DLL1: variants seen among roughly 807,000 people sequenced by gnomAD.
DLL1 encodes delta like canonical Notch ligand 1.
Under a neutral mutation model 75.1 loss-of-function variants are expected in DLL1, and 9 were observed. The observed-to-expected ratio is 0.12, with a 90% CI of 0.07 to 0.21. The LOEUF (loss-of-function observed/expected upper bound fraction) is 0.21, where lower values mean the gene tolerates loss of function less well. Among genes scored for constraint, DLL1 ranks in the 10% least tolerant of loss-of-function variants. The pLI, the probability that DLL1 is intolerant of heterozygous loss-of-function variation, is 1.00. For synonymous variants in DLL1, 477 were observed against 418.3 expected (o/e 1.14, Z -1.71); for missense variants, 837 against 1,007.6 (o/e 0.83, Z 2.29).
At chr6:170,284,160 T>G in intron 8 of DLL1, 131 bp from the exon 9 acceptor site, 6 of 1,182,638 alleles carry the variant, frequency 5.1e-6, no homozygotes, top group Non-Finnish European at 7.2e-6. Flanking sequence ...CCTGAATGAG[T>G]CCACAGCGCA....
Position 170,290,030 on chromosome 6 carries a change from G to A in DLL1, c.54+56C>T. On this transcript the variant is annotated intron_variant, in intron 1 of 10. Coordinates refer to ENST00000366756, the MANE Select transcript of DLL1 (RefSeq NM_005618.4). The surrounding 1 kb of genome is among the most constrained non-coding windows in gnomAD (Gnocchi z 4.7). ...CCCTCCCCGCGCGCTCCTGCCCCGCGCCCCGGCTACCCGTGAGACCCCGCG... is the reference window on the plus strand; with the variant it reads ...CCCTCCCCGCGCGCTCCTGCCCCGCACCCCGGCTACCCGTGAGACCCCGCG... 6.6e-7 allele frequency: 1 copy of A among 1,520,602 alleles called. No individual in the cohort carries two copies. The highest frequency in any genetic ancestry group is 8.7e-7 in the Non-Finnish European group (1 of 1,142,974). 94.2% of individuals were successfully genotyped at this position (1,520,602 alleles called of 1,614,324 possible).
Position 170,289,518 on chromosome 6 carries a change from G to C in DLL1, c.345C>G (p.Thr115=), listed in dbSNP as rs1337227332. The C allele has an allele frequency of 6.5e-7, 1 of 1,534,590 alleles. No homozygotes were observed. The highest frequency in any genetic ancestry group is 2.0e-5 in the Admixed American group (1 of 50,974). The change falls in exon 2 of 11, where the codon ACC becomes ACG. Residue 115 remains threonine, a synonymous_variant. Coordinates refer to ENST00000366756, the MANE Select transcript of DLL1 (RefSeq NM_005618.4). ...GCGCAGGTGCGGCACTCACCGGCCA[G>C]GTGAAGCCGAAGGGGAAGCGGATGG... is the stretch of plus-strand genomic sequence containing the variant. ...SNPIRFPFGF[T]WPGTFSLIIE... is the part of the protein sequence containing the mutation.
chr6:170,283,382 T>C lies in DLL1; in HGVS notation c.1897A>G (p.Lys633Glu). The change falls in exon 9 of 11, where the codon AAG becomes GAG. Residue 633 changes from lysine (K) to glutamate (E), a missense_variant. By Grantham distance (56) the Lys-to-Glu change is moderately conservative. Around this residue, in one of 2 missense-constraint regions of DLL1, gnomAD observed 533 missense variants for 545.7 expected, o/e 0.98. Coordinates refer to ENST00000366756, the MANE Select transcript of DLL1 (RefSeq NM_005618.4). ...GDHSADKNGF[K>E]ARYPAVDYNL... ...TAGTCCACCGCTGGGTAGCGGGCCT[T>C]GAAGCCATTCTTGTCGGCGCTGTGG... 1 of 1,611,742 alleles carries C rather than the reference T, an allele frequency of 6.2e-7. No individual in the cohort carries two copies. Among genetic ancestry groups the C allele is most frequent in the Non-Finnish European group, 8.5e-7 (1 of 1,180,028 alleles).
chr6:170,290,913 TG>T lies in DLL1; in HGVS notation c.-775del, dbSNP rs1325443562. On this transcript the variant is annotated 5_prime_UTR_variant, in exon 1 of 11. Coordinates refer to ENST00000366756, the MANE Select transcript of DLL1 (RefSeq NM_005618.4). The surrounding 1 kb of genome is among the most constrained non-coding windows in gnomAD (Gnocchi z 4.7). ...CTCGGCCGGGTCGGGTCTCCGCGGG[TG>T]CGCGCAGAGGATCTGGCTCTCGCCG... 2.9e-6 allele frequency: 2 copies of T among 695,206 alleles called. No individual in the cohort carries two copies. The highest frequency in any genetic ancestry group is 5.2e-6 in the Non-Finnish European group (2 of 381,362). 43.1% of individuals were successfully genotyped at this position (695,206 alleles called of 1,614,324 possible).
chr6:170,289,011 C>T (rs542460737), intron 2 of DLL1, among the ~76,000 whole-genome samples: 3 of 152,284 alleles, frequency 2.0e-5, no homozygotes, highest in Admixed American at 2.0e-4. Flanking sequence ...CGTGTTTTTT[C>T]AGCCTGTACT....
chr6:170,289,378 CA>C (rs1783793832), intron 2 of DLL1, 133 bp downstream of exon 2: 1 of 1,365,262 alleles, frequency 7.3e-7, no homozygotes, highest in Non-Finnish European at 9.9e-7. Context: ...CGCCGCTAGG[CA>C]GATCGCAGCG....
In DLL1 at chr6:170,288,504, GAGA is replaced by G; in HGVS notation, c.413-11_413-9del. 3 of 1,614,128 alleles carry G rather than the reference GAGA, an allele frequency of 1.9e-6. No homozygotes were observed. Among genetic ancestry groups the G allele is most frequent in the Non-Finnish European group, 2.5e-6 (3 of 1,180,046 alleles). ...TGAGTCTTTCTGGGTTTTCTACGGG[GAGA>G]AGATGCTCCTGGTTGGTTCTGAACG... On this transcript the variant is annotated splice_polypyrimidine_tract_variant and intron_variant, in intron 3 of 10. Coordinates refer to ENST00000366756, the MANE Select transcript of DLL1 (RefSeq NM_005618.4).
chr6:170,290,246 G>A lies in DLL1; in HGVS notation c.-107C>T, dbSNP rs1783827244. Reference sequence around the variant, plus strand: ...CCACGGGGAGCGTGGGCAGAAAAGCGCCCTTGCCTCGCCCCAGACCGCAGG... The same window carrying A: ...CCACGGGGAGCGTGGGCAGAAAAGCACCCTTGCCTCGCCCCAGACCGCAGG... On this transcript the variant is annotated 5_prime_UTR_variant, in exon 1 of 11. Coordinates refer to ENST00000366756, the MANE Select transcript of DLL1 (RefSeq NM_005618.4). This position sits in a 1 kb window ranked among gnomAD's most constrained non-coding sequence, Gnocchi z 4.7. 2.9e-6 allele frequency: 4 copies of A among 1,366,114 alleles called. No individual in the cohort carries two copies. The highest frequency in any genetic ancestry group is 4.0e-6 in the Non-Finnish European group (4 of 1,002,022). The allele number at this position is 1,366,114 out of a possible 1,614,324, so 84.6% of individuals were successfully genotyped here.
chr6:170,282,524 G>T lies in DLL1; in HGVS notation c.*350C>A. On this transcript the variant is annotated 3_prime_UTR_variant, in exon 11 of 11. Transcript: ENST00000366756. Reference sequence around the variant, plus strand: ...AAAGGACAATAAAGGCAGTGTTTGTGTTTCTAATTCAAGAAAAGACTGGCT... The same window carrying T: ...AAAGGACAATAAAGGCAGTGTTTGTTTTTCTAATTCAAGAAAAGACTGGCT... The T allele has an allele frequency of 2.3e-6, 1 of 443,392 alleles. No individual in the cohort carries two copies. The highest frequency in any genetic ancestry group is 3.9e-5 in the Admixed American group (1 of 25,690). The allele number at this position is 443,392 out of a possible 1,614,324, so 27.5% of individuals were successfully genotyped here.
At chr6:170,284,580 C>A (rs1783653361) in intron 8 of DLL1, among the ~76,000 whole-genome samples, 1 of 152,184 alleles carries the variant, frequency 6.6e-6, no homozygotes, top group Non-Finnish European at 1.5e-5. Context: ...TGGGTGGCCA[C>A]ACAGCTGGGC....
chr6:170,285,886 G>A (rs565157585), intron 5 of DLL1, among the ~76,000 whole-genome samples, 187 bp from the exon 6 acceptor site: 7 of 152,226 alleles, frequency 4.6e-5, no homozygotes, highest in Non-Finnish European at 8.8e-5. Context: ...GGCTTCTTGG[G>A]TGTTAGGGCA....
rs1194396435 is a variant in DLL1 at position 170,291,043 on chromosome 6, C to T, written c.-904G>A. ...AGCTGTCACAAAGGAGCCACTTTTCCAAACCCTCCTCTCAATGGATCGCCA... is the reference window on the plus strand; with the variant it reads ...AGCTGTCACAAAGGAGCCACTTTTCTAAACCCTCCTCTCAATGGATCGCCA... On this transcript the variant is annotated 5_prime_UTR_variant, in exon 1 of 11. Coordinates refer to ENST00000366756, the MANE Select transcript of DLL1 (RefSeq NM_005618.4). The T allele has an allele frequency of 1.4e-6, 1 of 702,058 alleles. No individual in the cohort carries two copies. Among genetic ancestry groups the T allele is most frequent in the South Asian group, 1.5e-5 (1 of 67,590 alleles). The allele number at this position is 702,058 out of a possible 1,614,324, so 43.5% of individuals were successfully genotyped here.
chr6:170,289,272 G>T (rs1182208000), intron 2 of DLL1: 38 of 662,564 alleles, frequency 5.7e-5, no homozygotes, highest in Non-Finnish European at 2.6e-6. Flanking sequence ...TCCCGGGCGC[G>T]CTCGGCCTCT....
At chr6:170,286,008 C>T (rs2114961326) in intron 5 of DLL1, among the ~76,000 whole-genome samples, 1 of 152,336 alleles carries the variant, frequency 6.6e-6, no homozygotes, top group East Asian at 1.9e-4. Context: ...TTTTAAACTA[C>T]TATCTGTAAA....
In DLL1 at chr6:170,290,769, T is replaced by A; in HGVS notation, c.-630A>T. 2 of 508,850 alleles carry A rather than the reference T, an allele frequency of 3.9e-6. No individual in the cohort carries two copies. Among genetic ancestry groups the A allele is most frequent in the Non-Finnish European group, 7.0e-6 (2 of 284,392 alleles). The allele number at this position is 508,850 out of a possible 1,614,324, so 31.5% of individuals were successfully genotyped here. On this transcript the variant is annotated 5_prime_UTR_variant, in exon 1 of 11. Transcript: ENST00000366756. The surrounding 1 kb of genome is among the most constrained non-coding windows in gnomAD (Gnocchi z 4.7). ...CCGATCTCCGGTGTCACAGCAAAGA[T>A]CCGCGTCTTTCCGATGAATCCAGCC...
chr6:170,287,097 A>G (rs1456962657), intron 4 of DLL1, among the ~76,000 whole-genome samples: 3 of 152,194 alleles, frequency 2.0e-5, no homozygotes, highest in African/African-American at 7.2e-5. Context: ...GAAACTCATT[A>G]ACAAGCAGCT....
At chr6:170,284,457 C>T (rs1007768868) in intron 8 of DLL1, among the ~76,000 whole-genome samples, 1 of 152,192 alleles carries the variant, frequency 6.6e-6, no homozygotes, top group African/African-American at 2.4e-5. Flanking sequence ...CGGAATGCTC[C>T]GGCACATCTG....
rs761154522 is a variant in DLL1 at position 170,289,394 on chromosome 6, C to A, written c.351+118G>T. The A allele has an allele frequency of 1.8e-5, 26 of 1,441,094 alleles. No homozygotes were observed. In the East Asian group the frequency reaches 6.9e-4, roughly 38 times the overall value. The allele number at this position is 1,441,094 out of a possible 1,614,324, so 89.3% of individuals were successfully genotyped here. ...GCCGCTAGGCAGATCGCAGCGCCCA[C>A]CTGCGCCTCGCGGGGTCCCCGAGGT... On this transcript the variant is annotated intron_variant, in intron 2 of 10. Transcript: ENST00000366756.
At position 170,285,032 on chromosome 6, in the gene DLL1, C is replaced by A. The variant is rs758791961; in HGVS notation, c.1136G>T (p.Gly379Val). The stretch of plus-strand genomic sequence containing the variant: ...TCCATCGGGGCTGTCTGAGCACCGA[C>A]CCCCGTTAAAGCAAGGGCCGTCCGC... ...TCADGPCFNG[G>V]RCSDSPDGGY... Residue 379 changes from glycine to valine, a missense_variant, in exon 8 of 11, where the codon GGT (glycine) becomes GTT (valine). Transcript: ENST00000366756. The A allele has an allele frequency of 1.2e-6, 2 of 1,614,174 alleles. No homozygotes were observed. Among genetic ancestry groups the A allele is most frequent in the Non-Finnish European group, 1.7e-6 (2 of 1,180,032 alleles).
Sources: gnomAD v4.1 joint callset for allele counts (sites outside exome capture counted in the v4.1 genomes callset) on GRCh38, gnomAD v4.1.1 for gene constraint, gnomAD v4.1.1 regional missense constraint, Gnocchi (gnomAD v3.1) non-coding constraint, MANE v1.5 for transcripts, NCBI Gene and HGNC (gene_info 2026-07-23, HGNC 2026-07-21) for gene names.